VPS13A: variants seen among roughly 807,000 people sequenced by gnomAD.
The protein encoded by VPS13A is vacuolar protein sorting 13 homolog A, also known as intermembrane lipid transfer protein VPS13A.
In VPS13A, 264 loss-of-function variants were observed where a neutral mutation model predicts 390.9. The observed-to-expected ratio is 0.68, with a 90% confidence interval of 0.61 to 0.75. VPS13A has a LOEUF of 0.75. Among genes scored for constraint, VPS13A ranks in the 30% least tolerant of loss-of-function variants. The probability of loss-of-function intolerance (pLI) is 0.00; values close to 1 mark genes in which losing one functional copy is unlikely to be tolerated. For synonymous variants in VPS13A, 1,231 were observed against 1,227.1 expected (o/e 1.00, Z -0.07); for missense variants, 3,409 against 3,733.9 (o/e 0.91, Z 2.27).
chr9:77,303,662 T>C (rs1176624152), intron 34 of VPS13A, among the ~76,000 whole-genome samples: 4 of 152,126 alleles, frequency 2.6e-5, no homozygotes, highest in Non-Finnish European at 4.4e-5. Flanking sequence ...AGGGTGGTAA[T>C]AAGGAGAAGG....
chr9:77,352,478 A>T (rs1831525496), intron 53 of VPS13A, among the ~76,000 whole-genome samples: 1 of 152,162 alleles, frequency 6.6e-6, no homozygotes, highest in African/African-American at 2.4e-5. Context: ...TCAGTTTTAA[A>T]AATTCATTAC....
rs746011607 is a variant in VPS13A, at chr9:77,283,695, T to A, written c.3339+45T>A. On this transcript the variant is annotated intron_variant, in intron 31 of 71. Transcript: ENST00000360280. ...AATAATAGTACATCATTAAATAGGA[T>A]TGTCCTTTAAGAGTGGTCATAGGTA... The A allele has an allele frequency of 2.8e-6, 4 of 1,441,246 alleles. No homozygotes were observed. The South Asian group carries it at 3.6e-5, about 13-fold the overall frequency. 89.3% of individuals were successfully genotyped at this position (1,441,246 alleles called of 1,614,324 possible). A position where few individuals can be genotyped will look rare whatever the true frequency, so the allele number is the denominator to read the frequency against.
At chr9:77,263,657 A>T (rs1044117221) in intron 23 of VPS13A, among the ~76,000 whole-genome samples, 4 of 151,958 alleles carry the variant, frequency 2.6e-5, no homozygotes, top group African/African-American at 9.7e-5. Flanking sequence ...CCTTTGTCAG[A>T]TGGATAGATT....
chr9:77,182,247 T>C (rs4012479), intron 1 of VPS13A, among the ~76,000 whole-genome samples: 86,239 of 151,872 alleles, frequency 0.57, 24,760 homozygotes, highest in East Asian at 0.69. Flanking sequence ...GTGCCCACCA[T>C]CATGCATGGC....
rs1161791633 is a variant in VPS13A at position 77,403,237 on chromosome 9, T to A, written c.9191T>A (p.Val3064Asp). Residue 3064 changes from valine to aspartate, a missense_variant and splice_region_variant, in exon 69 of 72, where the codon GTC becomes GAC. Coordinates refer to ENST00000360280, the MANE Select transcript of VPS13A (RefSeq NM_033305.3). ...RDGTGNQMLQVMENGRFAKYK... is the reference protein window; with the variant it reads ...RDGTGNQMLQDMENGRFAKYK... ...TTGTCTCTCACTTTTTTCTTTTAGG[T>A]CATGGAAAATGGAAGATTTGCAAAA... The A allele has an allele frequency of 6.2e-6, 10 of 1,609,792 alleles. No individual in the cohort carries two copies. Among genetic ancestry groups the A allele is most frequent in the Non-Finnish European group, 8.5e-6 (10 of 1,177,546 alleles).
chr9:77,314,406 A>G (rs1829264699), intron 36 of VPS13A, 89 bp from the exon 37 acceptor site: 1 of 1,335,696 alleles, frequency 7.5e-7, no homozygotes. Flanking sequence ...TGTTATAAGC[A>G]GAGGCAATAA....
At chr9:77,256,718 T>C (rs1414488086) in intron 22 of VPS13A, among the ~76,000 whole-genome samples, 4 of 152,232 alleles carry the variant, frequency 2.6e-5, no homozygotes, top group African/African-American at 9.6e-5. Context: ...TTGGTGAAGT[T>C]ATACTTTCAT....
At chr9:77,394,802 T>C (rs1331337802) in intron 68 of VPS13A, among the ~76,000 whole-genome samples, 4 of 152,226 alleles carry the variant, frequency 2.6e-5, no homozygotes, top group East Asian at 3.9e-4. Flanking sequence ...TTTTATGCTA[T>C]GGAGGTGAAT....
Position 77,221,248 on chromosome 9 carries a change from A to C in VPS13A, c.1053A>C (p.Ser351=), listed in dbSNP as rs1403469673. 6.2e-7 allele frequency: 1 copy of C among 1,613,444 alleles called. No individual in the cohort carries two copies. The highest frequency in any genetic ancestry group is 1.3e-5 in the African/African-American group (1 of 74,890). The change falls in exon 13 of 72, where the codon TCA becomes TCC. Residue 351 remains serine, a synonymous_variant. Transcript: ENST00000360280. The stretch of plus-strand genomic sequence containing the variant: ...TTTGCCCCAGGTTATGGATGTGGTC[A>C]TGGAAGCATATTAGAAAACATAGGC... ...VNVCPRLWMW[S]WKHIRKHRQK... is the part of the protein sequence containing the mutation.
chr9:77,187,433 G>A (rs1824405158), intron 1 of VPS13A, among the ~76,000 whole-genome samples: 2 of 152,138 alleles, frequency 1.3e-5, no homozygotes. Context: ...TAATGGATAT[G>A]AGGTGGTATC....
At chr9:77,384,738 C>T (rs1397635928) in intron 68 of VPS13A, 1 of 1,551,702 alleles carries the variant, frequency 6.4e-7, no homozygotes, top group African/African-American at 1.4e-5. Flanking sequence ...TTTTGTATGA[C>T]TTATACCATA....
At chr9:77,327,524 T>A (rs564109536) in intron 45 of VPS13A, among the ~76,000 whole-genome samples, 2 of 152,196 alleles carry the variant, frequency 1.3e-5, no homozygotes, top group African/African-American at 4.8e-5. Context: ...CTATGAAGTT[T>A]TTAAAGTAGA....
chr9:77,339,340 C>T (rs1019919246), intron 47 of VPS13A, among the ~76,000 whole-genome samples, 176 bp from the exon 48 acceptor site: 1 of 151,996 alleles, frequency 6.6e-6, no homozygotes, highest in African/African-American at 2.4e-5. Context: ...GATTAAATAC[C>T]GTGTAGAGGT....
At chr9:77,352,100 G>A (rs1831506304) in intron 53 of VPS13A, among the ~76,000 whole-genome samples, 1 of 152,190 alleles carries the variant, frequency 6.6e-6, no homozygotes, top group Admixed American at 6.5e-5. Context: ...GCATTCACCT[G>A]AAAAACAAAT....
At chr9:77,274,342 C>T (rs1189321102) in intron 24 of VPS13A, among the ~76,000 whole-genome samples, 1 of 150,826 alleles carries the variant, frequency 6.6e-6, no homozygotes, top group Non-Finnish European at 1.5e-5. Flanking sequence ...GCAGGAGAAT[C>T]GCCTGAACCC....
chr9:77,326,713 A>T (rs1830034518), intron 45 of VPS13A, among the ~76,000 whole-genome samples: 1 of 151,772 alleles, frequency 6.6e-6, no homozygotes, highest in African/African-American at 2.4e-5. Flanking sequence ...TGTTTTATTG[A>T]TGTTTCTTTT....
intron 68 of VPS13A, among the ~76,000 whole-genome samples, chr9:77,393,342 T>C (rs1046048704): frequency 6.6e-6 from 1 of 152,244 alleles, no homozygotes; most frequent in Non-Finnish European, 1.5e-5. Flanking sequence ...CTCAAAGTCA[T>C]CCATGATGGT....
intron 35 of VPS13A, among the ~76,000 whole-genome samples, chr9:77,312,063 T>TA (rs1284813947): frequency 6.6e-6 from 1 of 152,058 alleles, no homozygotes; most frequent in Non-Finnish European, 1.5e-5. Flanking sequence ...GAATAAGTTT[T>TA]AAAATCAAAG....
At chr9:77,201,245 G>A in intron 2 of VPS13A, 120 bp from the exon 3 acceptor site, 1 of 669,528 alleles carries the variant, frequency 1.5e-6, no homozygotes, top group South Asian at 1.9e-5. Flanking sequence ...TGATGATAAG[G>A]AAATGTGTAA....
Sources: gnomAD v4.1 joint callset for allele counts (sites outside exome capture counted in the v4.1 genomes callset) on GRCh38, gnomAD v4.1.1 for gene constraint, MANE v1.5 for transcripts, NCBI Gene and HGNC (gene_info 2026-07-23, HGNC 2026-07-21) for gene names.